Variants in FUT8 observed in about 807,000 individuals in gnomAD.
FUT8 encodes fucosyltransferase 8, also known as alpha-(1,6)-fucosyltransferase.
A neutral mutation model predicts 71.3 loss-of-function variants in FUT8; 29 were observed. The observed-to-expected ratio is 0.41, with a 90% CI of 0.30 to 0.55. FUT8 has a LOEUF of 0.55. Ranked by LOEUF, FUT8 falls within the 20% of genes least tolerant of loss-of-function variation. The pLI, the probability that FUT8 is intolerant of heterozygous loss-of-function variation, is 0.34. For missense variants in FUT8, 544 were observed against 702.1 expected (o/e 0.77, Z 2.55); for synonymous variants, 254 against 239.3 (o/e 1.06, Z -0.57).
chr14:65,717,041 C>G (rs1895115664), intron 7 of FUT8, among the ~76,000 whole-genome samples: 1 of 144,720 alleles, frequency 6.9e-6, no homozygotes, highest in Admixed American at 6.9e-5. Flanking sequence ...GACGGGGTGG[C>G]CGGGCAGAGG....
chr14:65,521,183 CTATT>C (rs1003388864), intron 2 of FUT8, among the ~76,000 whole-genome samples: 1 of 151,782 alleles, frequency 6.6e-6, no homozygotes, highest in African/African-American at 2.4e-5. Flanking sequence ...TAGTGATATT[CTATT>C]TTAAATGCTT....
intron 6 of FUT8, among the ~76,000 whole-genome samples, chr14:65,645,351 A>C (rs549258700): frequency 1.3e-5 from 2 of 152,330 alleles, no homozygotes; most frequent in Non-Finnish European, 2.9e-5. Flanking sequence ...GTTTTCCCTT[A>C]CATTTCTTAG....
chr14:65,529,608 C>T (rs1355143756), intron 2 of FUT8: 1 of 152,886 alleles, frequency 6.5e-6, no homozygotes, highest in East Asian at 1.9e-4. Context: ...GTCCTGGACT[C>T]CTCTCTGGTG....
chr14:65,662,497 CTGA>C (rs1892016742), intron 6 of FUT8, among the ~76,000 whole-genome samples: 1 of 152,096 alleles, frequency 6.6e-6, no homozygotes, highest in African/African-American at 2.4e-5. Context: ...GACAGCTTTG[CTGA>C]TGAATTATAA....
intron 2 of FUT8, among the ~76,000 whole-genome samples, chr14:65,514,373 A>G (rs896811202): frequency 3.3e-5 from 5 of 152,228 alleles, no homozygotes; most frequent in Admixed American, 1.3e-4. Context: ...CAGGCAGTCT[A>G]CCAAGATTGG....
intron 3 of FUT8, among the ~76,000 whole-genome samples, chr14:65,605,208 C>A (rs28427101): frequency 2.0e-5 from 3 of 151,778 alleles, no homozygotes; most frequent in Admixed American, 6.6e-5. Flanking sequence ...CATTCTCAGT[C>A]TTATTATATG....
intron 2 of FUT8, among the ~76,000 whole-genome samples, chr14:65,494,558 G>A (rs1289538237): frequency 6.6e-6 from 1 of 152,152 alleles, no homozygotes; most frequent in Admixed American, 6.6e-5. Flanking sequence ...GTTGTATCCA[G>A]AGAATCTACT....
chr14:65,651,009 A>G (rs1481086992), intron 6 of FUT8, among the ~76,000 whole-genome samples: 1 of 151,794 alleles, frequency 6.6e-6, no homozygotes, highest in Admixed American at 6.6e-5. Context: ...TGTTCCTACC[A>G]CTCCCACTGG....
chr14:65,508,459 G>T (rs1386668748), intron 2 of FUT8, among the ~76,000 whole-genome samples: 2 of 130,814 alleles, frequency 1.5e-5, no homozygotes, highest in Non-Finnish European at 3.3e-5. Flanking sequence ...TTTTAAATTG[G>T]ATTATTAATT....
intron 3 of FUT8, among the ~76,000 whole-genome samples, chr14:65,613,513 A>G (rs546264854): frequency 6.6e-6 from 1 of 152,314 alleles, no homozygotes; most frequent in East Asian, 1.9e-4. Flanking sequence ...TAACTACTGT[A>G]TTCATTTTTT....
At chr14:65,619,873 A>G (rs922078486) in intron 5 of FUT8, among the ~76,000 whole-genome samples, 1 of 152,186 alleles carries the variant, frequency 6.6e-6, no homozygotes, top group Non-Finnish European at 1.5e-5. Flanking sequence ...TGCAGTAGAG[A>G]GAATTAAGCG....
At chr14:65,734,551 CTA>C (rs1044780352) in intron 10 of FUT8, among the ~76,000 whole-genome samples, 16 of 152,186 alleles carry the variant, frequency 1.1e-4, no homozygotes, top group African/African-American at 3.6e-4. Context: ...AAGGCATCCA[CTA>C]TTTATGTTTC....
At chr14:65,423,980 G>A (rs186423555) in intron 1 of FUT8, among the ~76,000 whole-genome samples, 177 of 152,274 alleles carry the variant, frequency 1.2e-3, no homozygotes, top group Non-Finnish European at 1.9e-3. Context: ...CGCAACTGCA[G>A]CTGCAGACCT....
chr14:65,440,149 C>G (rs1024806492), intron 1 of FUT8, among the ~76,000 whole-genome samples: 2 of 151,268 alleles, frequency 1.3e-5, no homozygotes, highest in African/African-American at 2.4e-5. Context: ...TAGAATCTAA[C>G]AAAGTTAGAC....
At chr14:65,586,437 AT>A (rs1442729119) in intron 3 of FUT8, among the ~76,000 whole-genome samples, 2 of 152,208 alleles carry the variant, frequency 1.3e-5, no homozygotes, top group African/African-American at 4.8e-5. Flanking sequence ...ATATCATTTA[AT>A]TAGGGTATTG....
At chr14:65,718,287 G>A (rs1416030998) in intron 7 of FUT8, among the ~76,000 whole-genome samples, 2 of 152,026 alleles carry the variant, frequency 1.3e-5, no homozygotes, top group Non-Finnish European at 1.5e-5. Context: ...CTTATAGCTC[G>A]TTATTTTAAA....
At chr14:65,379,005 C>T in the FUT8 span, among the ~76,000 whole-genome samples, 219 of 151,716 alleles carry the variant, frequency 1.4e-3, no homozygotes, top group African/African-American at 4.7e-3. Flanking sequence ...TTCCACCATG[C>T]CTGGCTAATT....
At chr14:65,581,302 A>T (rs1887075781) in intron 3 of FUT8, among the ~76,000 whole-genome samples, 1 of 152,094 alleles carries the variant, frequency 6.6e-6, no homozygotes, top group Non-Finnish European at 1.5e-5. Flanking sequence ...TAAATTACCG[A>T]CAGAGAAAAT....
In FUT8 at chr14:65,606,527, G is replaced by T. The variant is rs374388168; in HGVS notation, c.204-9451G>T. 2.0e-3 allele frequency among the ~76,000 whole-genome samples: 302 copies of T among 151,866 alleles called. 4 individuals are homozygous for T. Among genetic ancestry groups the T allele is most frequent in the Non-Finnish European group, 3.6e-3 (247 of 67,888 alleles). ...CTTCTAAAATTTTTAAGTTTTGTTT[G>T]TAAGATTGTTTGAATTTTCTGTGAA... On this transcript the variant is annotated intron_variant, in intron 3 of 10. Transcript: ENST00000673929.
Sources: allele counts gnomAD v4.1 joint callset (sites outside exome capture counted in the v4.1 genomes callset), GRCh38; gene constraint gnomAD v4.1.1; transcripts MANE v1.5; gene names NCBI Gene and HGNC (gene_info 2026-07-23, HGNC 2026-07-21).